CFAP74: variants seen among roughly 807,000 people sequenced by gnomAD.
CFAP74 encodes cilia- and flagella-associated protein 74.
CFAP74 carries 124 observed loss-of-function variants against 188.9 expected under a neutral mutation model. The observed-to-expected ratio is 0.66, with a 90% CI of 0.57 to 0.76. CFAP74 has a LOEUF of 0.76. CFAP74 is among the 30% of genes least tolerant of loss of function. The probability of loss-of-function intolerance (pLI) is 0.00; values close to 1 mark genes in which losing one functional copy is unlikely to be tolerated. For missense variants in CFAP74, 2,198 were observed against 2,165.2 expected (o/e 1.02, Z -0.30); for synonymous variants, 956 against 916.7 (o/e 1.04, Z -0.77).
In CFAP74 at chr1:1,958,465, C is replaced by T. The variant is rs528524156; in HGVS notation, c.1851+655G>A. On this transcript the variant is annotated intron_variant, in intron 16 of 38. Transcript: ENST00000682832. ...GGGGCTGGCCGCAGAGGGCTTCACACTCGCGGCTGAGCCAGGAGCCGTTTG... is the reference window on the plus strand; with the variant it reads ...GGGGCTGGCCGCAGAGGGCTTCACATTCGCGGCTGAGCCAGGAGCCGTTTG... Among the ~76,000 whole-genome samples, 5 of 152,246 alleles carry T rather than the reference C, an allele frequency of 3.3e-5. No individual in the cohort carries two copies. In the South Asian group the frequency reaches 1.0e-3, roughly 31 times the overall value.
At chr1:1,981,342 C>T (rs1229472164) in intron 6 of CFAP74, among the ~76,000 whole-genome samples, 7 of 152,204 alleles carry the variant, frequency 4.6e-5, no homozygotes, top group Non-Finnish European at 8.8e-5. Context: ...CTGCCTCCAA[C>T]GGGACCCAGC....
At chr1:1,995,728 T>C (rs755746812) in intron 1 of CFAP74, among the ~76,000 whole-genome samples, 2 of 151,348 alleles carry the variant, frequency 1.3e-5, no homozygotes, top group Non-Finnish European at 2.9e-5. Flanking sequence ...GCTAACACGG[T>C]GAAACCCCGT....
rs758024715 is a variant in CFAP74 at position 1,959,170 on chromosome 1, G to A, written c.1801C>T (p.Gln601Ter). The change falls in exon 16 of 39, where the codon CAG (glutamine) becomes TAG (stop). Residue 601 changes from glutamine to a stop codon, truncating the protein, a stop_gained. Coordinates refer to ENST00000682832, the MANE Select transcript of CFAP74 (RefSeq NM_001304360.2). LOFTEE classifies it high-confidence loss of function. ...DLEGNISFLA[Q>*]TGEFSVPLKC... is the part of the protein sequence containing the mutation. ...AGTGGAACTGAAAACTCGCCCGTCT[G>A]AGCCAAAAATGAGATATTTCCTTCT... The A allele has an allele frequency of 1.9e-6, 3 of 1,612,886 alleles. No homozygotes were observed. The highest frequency in any genetic ancestry group is 2.5e-6 in the Non-Finnish European group (3 of 1,179,236).
At chr1:1,971,284 C>T (rs567936287) in intron 9 of CFAP74, among the ~76,000 whole-genome samples, 2 of 150,322 alleles carry the variant, frequency 1.3e-5, no homozygotes, top group East Asian at 2.0e-4. Flanking sequence ...CCTGCACACA[C>T]GTGCACATAC....
chr1:1,957,590 G>A (rs752882261), intron 16 of CFAP74, among the ~76,000 whole-genome samples: 3 of 152,208 alleles, frequency 2.0e-5, no homozygotes, highest in Non-Finnish European at 2.9e-5. Flanking sequence ...TGTCACAGAG[G>A]AGCACTTGAC....
intron 1 of CFAP74, among the ~76,000 whole-genome samples, chr1:1,996,173 C>T (rs887441349): frequency 1.3e-5 from 2 of 151,920 alleles, no homozygotes; most frequent in Admixed American, 1.3e-4. Context: ...TTAATAGAGA[C>T]GGAGTTTCAT....
At chr1:1,941,335 G>A (rs539880334) in intron 22 of CFAP74, among the ~76,000 whole-genome samples, 3 of 152,196 alleles carry the variant, frequency 2.0e-5, no homozygotes, top group Non-Finnish European at 4.4e-5. Flanking sequence ...CCTTGGTCCC[G>A]GCCCGGATGC....
Position 1,926,995 on chromosome 1 carries a change from C to G in CFAP74, c.3561G>C (p.Leu1187=), listed in dbSNP as rs1209637155. Reference sequence around the variant, plus strand: ...CAAACTTCGCCTGGAACGCTCTGAGCAGGGTGGCTCGGGCGGCCTGGTACT... The same window carrying G: ...CAAACTTCGCCTGGAACGCTCTGAGGAGGGTGGCTCGGGCGGCCTGGTACT... The part of the protein sequence containing the change: ...SDEYQAARAT[L]LRAFQAKFDT... Residue 1187 remains leucine, a synonymous_variant, in exon 29 of 39, where the codon CTG becomes CTC. Coordinates refer to ENST00000682832, the MANE Select transcript of CFAP74 (RefSeq NM_001304360.2). 1.3e-6 allele frequency: 2 copies of G among 1,550,268 alleles called. No individual in the cohort carries two copies. Among genetic ancestry groups the G allele is most frequent in the Non-Finnish European group, 1.7e-6 (2 of 1,146,884 alleles).
chr1:1,928,918 C>T, intron 26 of CFAP74, 36 bp from the exon 27 acceptor site: 1 of 1,428,464 alleles, frequency 7.0e-7, no homozygotes, highest in Non-Finnish European at 9.5e-7. Flanking sequence ...GGGGTTGCCA[C>T]TTCCCTCCAC....
chr1:1,963,280 G>T (rs1655218738), intron 14 of CFAP74, among the ~76,000 whole-genome samples: 2 of 151,870 alleles, frequency 1.3e-5, no homozygotes, highest in Admixed American at 6.6e-5. Flanking sequence ...GTAAAACCCG[G>T]TCTCTACTAA....
At chr1:1,935,045 G>A (rs1652775389) in intron 25 of CFAP74, among the ~76,000 whole-genome samples, 1 of 87,076 alleles carries the variant, frequency 1.1e-5, no homozygotes, top group Non-Finnish European at 2.4e-5. Context: ...GTACGTGGGT[G>A]TTAGGCTGTG....
intron 26 of CFAP74, among the ~76,000 whole-genome samples, chr1:1,929,093 T>G (rs1652153784): frequency 6.6e-6 from 1 of 151,828 alleles, no homozygotes; most frequent in Admixed American, 6.6e-5. Flanking sequence ...CCAAACCCTC[T>G]GGCCATGCAG....
At chr1:1,991,059 A>G (rs1657538371) in intron 1 of CFAP74, 84 bp from the exon 2 acceptor site, 1 of 917,704 alleles carries the variant, frequency 1.1e-6, no homozygotes, top group Admixed American at 2.9e-5. Flanking sequence ...TAAAGAAGGC[A>G]TTAAGAAAAC....
intron 3 of CFAP74, 85 bp downstream of exon 3, chr1:1,988,804 G>T: frequency 2.1e-6 from 2 of 971,702 alleles, no homozygotes; most frequent in East Asian, 5.4e-5. Flanking sequence ...GGAAGCAGCC[G>T]CCCCGCTCCC....
chr1:1,928,726 T>C (rs1557988394), intron 27 of CFAP74, 58 bp downstream of exon 27: 3 of 1,339,738 alleles, frequency 2.2e-6, no homozygotes, highest in Non-Finnish European at 3.1e-6. Context: ...GCGGTGGAGT[T>C]TGTTCCTGCA....
chr1:1,958,384 G>C (rs1250483811), intron 16 of CFAP74, among the ~76,000 whole-genome samples: 2 of 152,252 alleles, frequency 1.3e-5, no homozygotes, highest in Non-Finnish European at 2.9e-5. Flanking sequence ...CGTCCCCACT[G>C]TCCTCTGGGA....
chr1:1,980,654 C>G (rs1656781656), intron 6 of CFAP74, among the ~76,000 whole-genome samples: 1 of 152,232 alleles, frequency 6.6e-6, no homozygotes, highest in African/African-American at 2.4e-5. Context: ...TCTGCCAGCC[C>G]ATGGCCCCTT....
chr1:1,922,567 C>T (rs1651467436), intron 38 of CFAP74, 22 bp downstream of exon 38: 1 of 1,607,672 alleles, frequency 6.2e-7, no homozygotes. Flanking sequence ...GGCTCCCTGG[C>T]CTGGAGCCCA....
chr1:1,968,617 G>C lies in CFAP74; in HGVS notation c.1245+18C>G. ...CACAGGTGTGCGGCTTCTGTCTACA[G>C]GAAGGCGTTTTGCTCACCAGTGTGT... On this transcript the variant is annotated intron_variant, in intron 11 of 38. Transcript: ENST00000682832. The surrounding 1 kb of genome is among the most constrained non-coding windows in gnomAD (Gnocchi z 4.3). 1 of 1,608,776 alleles carries C rather than the reference G, an allele frequency of 6.2e-7. No homozygotes were observed. The highest frequency in any genetic ancestry group is 8.5e-7 in the Non-Finnish European group (1 of 1,176,278).
Sources: allele counts gnomAD v4.1 joint callset (sites outside exome capture counted in the v4.1 genomes callset), GRCh38; gene constraint gnomAD v4.1.1; non-coding constraint Gnocchi (gnomAD v3.1); transcripts MANE v1.5; gene names NCBI Gene and HGNC (gene_info 2026-07-23, HGNC 2026-07-21).